MRPL12: variants seen among roughly 807,000 people sequenced by gnomAD.
The protein encoded by MRPL12 is mitochondrial ribosomal protein L12.
MRPL12 carries 13 observed loss-of-function variants against 21.1 expected under a neutral mutation model. The observed-to-expected ratio is 0.62, with a 90% CI of 0.40 to 0.98. The LOEUF is 0.98. Ranked by LOEUF, MRPL12 falls within the 50% of genes least tolerant of loss-of-function variation. The probability of loss-of-function intolerance (pLI) is 0.00; values close to 1 mark genes in which losing one functional copy is unlikely to be tolerated. For synonymous variants in MRPL12, 126 were observed against 115.3 expected (o/e 1.09, Z -0.60); for missense variants, 251 against 268.6 (o/e 0.93, Z 0.46).
At chr17:81,703,619 G>A (rs1350654541) in intron 1 of MRPL12, 44 bp downstream of exon 1, 1 of 1,342,488 alleles carries the variant, frequency 7.4e-7, no homozygotes, top group East Asian at 3.1e-5. Flanking sequence ...GGCGGGTTAG[G>A]GGGCAGCCGG....
At chr17:81,704,135 C>A in intron 1 of MRPL12, 109 bp from the exon 2 acceptor site, 2 of 1,153,228 alleles carry the variant, frequency 1.7e-6, no homozygotes, top group Non-Finnish European at 2.4e-6. Flanking sequence ...TGATTACCAG[C>A]CTGAGCTTAT....
rs377671620 is a variant in MRPL12, at chr17:81,706,507, G to A, written c.346-399G>A. ...GCTAGGATGACAGGCGTGAGCCACC[G>A]GAGCCACCACTCCCGTCCGAGGCAT... On this transcript the variant is annotated intron_variant, in intron 3 of 4. Transcript: ENST00000333676. Among the ~76,000 whole-genome samples the A allele has an allele frequency of 7.2e-5, 11 of 152,278 alleles. 1 individual carries two copies. The highest frequency in any genetic ancestry group is 3.4e-3 in the Middle Eastern group (1 of 294).
chr17:81,707,445 G>A lies in MRPL12; in HGVS notation c.*205G>A, dbSNP rs533723766. The stretch of plus-strand genomic sequence containing the variant: ...CGGCTGCTGCCTGGTGACGGCACCC[G>A]GAGGCCCACCAGGACGCGCCACCGG... On this transcript the variant is annotated 3_prime_UTR_variant, in exon 5 of 5. Coordinates refer to ENST00000333676, the MANE Select transcript of MRPL12 (RefSeq NM_002949.4). 36 of 569,962 alleles carry A rather than the reference G, an allele frequency of 6.3e-5. No individual in the cohort carries two copies. Among genetic ancestry groups the A allele is most frequent in the African/African-American group, 3.8e-4 (20 of 52,678 alleles). The allele number at this position is 569,962 out of a possible 1,614,324, so 35.3% of individuals were successfully genotyped here.
intron 3 of MRPL12, 128 bp from the exon 4 acceptor site, chr17:81,706,778 C>G (rs2037317968): frequency 8.8e-7 from 1 of 1,142,386 alleles, no homozygotes. Context: ...TGACTTCCAA[C>G]TCCAGGCTTC....
In MRPL12 at chr17:81,706,096, C is replaced by T. The variant is rs895439103; in HGVS notation, c.346-810C>T. ...CGCAGCGTGCCCGTCAGTCCCATGGCGGGTTGTCATTTTCTCGGCACACGT... is the reference window on the plus strand; with the variant it reads ...CGCAGCGTGCCCGTCAGTCCCATGGTGGGTTGTCATTTTCTCGGCACACGT... On this transcript the variant is annotated intron_variant, in intron 3 of 4. Coordinates refer to ENST00000333676, the MANE Select transcript of MRPL12 (RefSeq NM_002949.4). 3.9e-5 allele frequency among the ~76,000 whole-genome samples: 6 copies of T among 152,194 alleles called. No homozygotes were observed. In the East Asian group the frequency reaches 7.7e-4, roughly 20 times the overall value.
Position 81,706,954 on chromosome 17 carries a change from G to A in MRPL12, c.394G>A (p.Val132Ile), listed in dbSNP as rs749094978. 42 of 1,613,916 alleles carry A rather than the reference G, an allele frequency of 2.6e-5. No individual in the cohort carries two copies. Among genetic ancestry groups the A allele is most frequent in the Admixed American group, 1.7e-4 (10 of 60,010 alleles). Residue 132 changes from valine to isoleucine, a missense_variant, in exon 4 of 5, where the codon GTC (valine) becomes ATC (isoleucine). By Grantham distance (29) the Val-to-Ile change is conservative (BLOSUM62 3). Transcript: ENST00000333676. ...AGCGAAAGAACGGACACATTTCACC[G>A]TCCGCCTGACCGAGGCGAAGCCCGT... ...PIAKERTHFT[V>I]RLTEAKPVDK...
intron 3 of MRPL12, among the ~76,000 whole-genome samples, chr17:81,704,954 G>T (rs993612346): frequency 6.6e-6 from 1 of 152,234 alleles, no homozygotes; most frequent in Admixed American, 6.5e-5. Context: ...GGAAAAAGAG[G>T]CTGGGCGTGG....
Position 81,707,203 on chromosome 17 carries a change from C to T in MRPL12, c.560C>T (p.Ala187Val), listed in dbSNP as rs1233907839. ...GCTGAGGCGGAGAAGATCAAGGCGG[C>T]CCTGGAGGCGGTGGGCGGCACCGTG... ...AKAEAEKIKA[A>V]LEAVGGTVVL... The change falls in exon 5 of 5, where the codon GCC becomes GTC. Residue 187 changes from alanine (A) to valine (V), a missense_variant. Coordinates refer to ENST00000333676, the MANE Select transcript of MRPL12 (RefSeq NM_002949.4). The T allele has an allele frequency of 8.7e-6, 14 of 1,610,162 alleles. No homozygotes were observed. The highest frequency in any genetic ancestry group is 1.2e-5 in the Non-Finnish European group (14 of 1,177,756).
intron 3 of MRPL12, among the ~76,000 whole-genome samples, chr17:81,705,186 A>C (rs1210941762): frequency 6.6e-6 from 1 of 151,778 alleles, no homozygotes; most frequent in Non-Finnish European, 1.5e-5. Context: ...GTCTCAAACA[A>C]ACAAACAAAA....
rs1168553109 is a variant in MRPL12, at chr17:81,703,555, C to T, written c.54C>T (p.Ala18=). 1.4e-6 allele frequency: 2 copies of T among 1,458,250 alleles called. No individual in the cohort carries two copies. The highest frequency in any genetic ancestry group is 1.3e-5 in the South Asian group (1 of 75,690). 90.3% of individuals were successfully genotyped at this position (1,458,250 alleles called of 1,614,324 possible). ...GGGGGCCTTGCCTTGGGCTTCGGGC[C>T]GCTGCGTTCCGCCTTGCCAGGTACG... ...PLWGPCLGLR[A]AAFRLARRQV... is the part of the protein sequence containing the mutation. The change falls in exon 1 of 5, where the codon GCC becomes GCT. Residue 18 remains alanine (A), a synonymous_variant. Coordinates refer to ENST00000333676, the MANE Select transcript of MRPL12 (RefSeq NM_002949.4).
rs946726200 is a variant in MRPL12 at position 81,706,977 on chromosome 17, C to T, written c.417C>T (p.Pro139=). The change falls in exon 4 of 5, where the codon CCC becomes CCT. Residue 139 remains proline, a synonymous_variant. Transcript: ENST00000333676. ...CCGTCCGCCTGACCGAGGCGAAGCC[C>T]GTGGACAAAGTGAAGCTGATCAAGG... ...HFTVRLTEAK[P]VDKVKLIKEI... is the part of the protein sequence containing the mutation. The T allele has an allele frequency of 5.0e-6, 8 of 1,613,980 alleles. No individual in the cohort carries two copies. The East Asian group carries it at 6.7e-5, about 13-fold the overall frequency.
Position 81,704,357 on chromosome 17 carries a change from A to G in MRPL12, c.188A>G (p.Lys63Arg). The change falls in exon 2 of 5, where the codon AAG (lysine) becomes AGG (arginine). Residue 63 changes from lysine to arginine, a missense_variant. Lys to Arg is a conservative substitution (Grantham distance 26, BLOSUM62 2). Transcript: ENST00000333676. ...LDNAPKEYPP[K>R]IQQLVQDIAS... is the part of the protein sequence containing the mutation. ...AACGCCCCCAAGGAGTACCCCCCCA[A>G]GATACAGCAGCTGGTCCAGGACATC... The G allele has an allele frequency of 1.2e-6, 2 of 1,613,682 alleles. No homozygotes were observed. Among genetic ancestry groups the G allele is most frequent in the Non-Finnish European group, 8.5e-7 (1 of 1,179,950 alleles).
intron 3 of MRPL12, among the ~76,000 whole-genome samples, chr17:81,706,249 T>C (rs1171087150): frequency 1.3e-5 from 2 of 152,178 alleles, no homozygotes; most frequent in Non-Finnish European, 2.9e-5. Context: ...AGGGAAGGAC[T>C]GTGAAGCATG....
chr17:81,703,748 C>G (rs2037280911), intron 1 of MRPL12, among the ~76,000 whole-genome samples, 173 bp downstream of exon 1: 1 of 152,214 alleles, frequency 6.6e-6, no homozygotes, highest in African/African-American at 2.4e-5. Flanking sequence ...GCGCACGCCC[C>G]TTCCCTCCTG....
At position 81,704,614 on chromosome 17, in the gene MRPL12, C is replaced by G. The variant is rs1721866793; in HGVS notation, c.262-19C>G. The G allele has an allele frequency of 6.2e-7, 1 of 1,613,392 alleles. No individual in the cohort carries two copies. Among genetic ancestry groups the G allele is most frequent in the African/African-American group, 1.3e-5 (1 of 74,936 alleles). ...CTGGTGTGAGGGCCAGCTGTGGACACTGTTCTCTATCTCTGCAGAAAACGT... is the reference window on the plus strand; with the variant it reads ...CTGGTGTGAGGGCCAGCTGTGGACAGTGTTCTCTATCTCTGCAGAAAACGT... On this transcript the variant is annotated intron_variant, in intron 2 of 4. Coordinates refer to ENST00000333676, the MANE Select transcript of MRPL12 (RefSeq NM_002949.4).
In MRPL12 at chr17:81,704,396, T is replaced by C. The variant is rs775257564; in HGVS notation, c.227T>C (p.Leu76Pro). The change falls in exon 2 of 5, where the codon CTC becomes CCC. Residue 76 changes from leucine (L) to proline (P), a missense_variant. By Grantham distance (98) the Leu-to-Pro change is moderately conservative. Transcript: ENST00000333676. ...GTCCAGGACATCGCCAGCCTCACTC[T>C]CTTGGAAATCTCAGACCTCAACGAG... ...QLVQDIASLT[L>P]LEISDLNELL... 48 of 1,612,990 alleles carry C rather than the reference T, an allele frequency of 3.0e-5. No homozygotes were observed. Among genetic ancestry groups the C allele is most frequent in the Non-Finnish European group, 3.8e-5 (45 of 1,179,744 alleles).
intron 3 of MRPL12, among the ~76,000 whole-genome samples, chr17:81,705,252 G>A (rs1281157997): frequency 6.6e-6 from 1 of 150,846 alleles, no homozygotes; most frequent in African/African-American, 2.4e-5. Context: ...ATTAGCCGGC[G>A]TGGTGGCAGG....
chr17:81,705,382 C>A, intron 3 of MRPL12, among the ~76,000 whole-genome samples: 1 of 131,316 alleles, frequency 7.6e-6, no homozygotes, highest in Admixed American at 7.5e-5. Flanking sequence ...AGAGCAAGAC[C>A]CTGTCTCAAA....
intron 3 of MRPL12, among the ~76,000 whole-genome samples, chr17:81,706,246 G>A (rs1385636326): frequency 1.3e-5 from 2 of 152,158 alleles, no homozygotes; most frequent in Admixed American, 1.3e-4. Context: ...TTGAGGGAAG[G>A]ACTGTGAAGC....
Sources: gnomAD v4.1 joint callset for allele counts (sites outside exome capture counted in the v4.1 genomes callset) on GRCh38, gnomAD v4.1.1 for gene constraint, MANE v1.5 for transcripts, NCBI Gene and HGNC (gene_info 2026-07-23, HGNC 2026-07-21) for gene names.